The following MTHFD2L variants were observed in gnomAD, a reference collection of about 807,000 sequenced individuals.
The protein encoded by MTHFD2L is bifunctional methylenetetrahydrofolate dehydrogenase/cyclohydrolase 2, mitochondrial.
MTHFD2L carries 29 observed loss-of-function variants against 34.9 expected under a neutral mutation model. The ratio of observed to expected loss-of-function variants is 0.83; its 90% confidence interval spans 0.62 to 1.13. The LOEUF (loss-of-function observed/expected upper bound fraction) is 1.13. MTHFD2L is among the 50% of genes most tolerant of loss of function. The probability of loss-of-function intolerance (pLI) is 0.00; values close to 1 mark genes in which losing one functional copy is unlikely to be tolerated. For missense variants in MTHFD2L, 481 were observed against 446.5 expected (o/e 1.08, Z -0.70); for synonymous variants, 167 against 155.7 (o/e 1.07, Z -0.54).
At chr4:74,283,155 C>T (rs574044177) in intron 7 of MTHFD2L, among the ~76,000 whole-genome samples, 34 of 152,274 alleles carry the variant, frequency 2.2e-4, no homozygotes, top group African/African-American at 7.9e-4. Flanking sequence ...GTTTGCAGTT[C>T]ACAGCCTTGA....
chr4:74,269,543 C>A (rs1745703493), intron 6 of MTHFD2L, among the ~76,000 whole-genome samples: 2 of 151,400 alleles, frequency 1.3e-5, no homozygotes, highest in South Asian at 4.2e-4. Context: ...TAATGCATAA[C>A]AAATACATTA....
rs146950597 is a variant in MTHFD2L, at chr4:74,181,434, G to A, written c.451+6031G>A. On this transcript the variant is annotated intron_variant, in intron 3 of 7. Coordinates refer to ENST00000325278, the MANE Select transcript of MTHFD2L (RefSeq NM_001144978.3). ...ATGCTATTTCTATCTGAGGTTTGTG[G>A]TTAAGGAAAAAGAGTGAACTGAGTA... is the stretch of plus-strand genomic sequence containing the variant. Among the ~76,000 whole-genome samples, 878 of 152,216 alleles carry A rather than the reference G, an allele frequency of 5.8e-3. 15 individuals carry two copies. The highest frequency in any genetic ancestry group is 0.021 in the African/African-American group (852 of 41,524).
At chr4:74,284,854 G>A (rs994402720) in intron 7 of MTHFD2L, among the ~76,000 whole-genome samples, 1 of 151,992 alleles carries the variant, frequency 6.6e-6, no homozygotes, top group Admixed American at 6.6e-5. Context: ...ATACCCAAAG[G>A]ACTATAAATC....
At chr4:74,237,091 A>G (rs1740957738) in intron 6 of MTHFD2L, among the ~76,000 whole-genome samples, 1 of 152,160 alleles carries the variant, frequency 6.6e-6, no homozygotes, top group African/African-American at 2.4e-5. Flanking sequence ...GTCCTCTCTC[A>G]ATCATATTGT....
chr4:74,210,869 G>A (rs985879573), intron 5 of MTHFD2L, among the ~76,000 whole-genome samples: 7 of 152,142 alleles, frequency 4.6e-5, no homozygotes, highest in Non-Finnish European at 1.0e-4. Context: ...TCCTTGAGCA[G>A]TGGTTTGTAG....
At chr4:74,256,365 T>C (rs1198451386) in intron 6 of MTHFD2L, among the ~76,000 whole-genome samples, 1 of 152,088 alleles carries the variant, frequency 6.6e-6, no homozygotes, top group East Asian at 1.9e-4. Flanking sequence ...CCTGTCTCGG[T>C]ACCTCCCAAA....
At chr4:74,171,194 TATTTA>T (rs1347595133) in intron 1 of MTHFD2L, among the ~76,000 whole-genome samples, 1 of 152,134 alleles carries the variant, frequency 6.6e-6, no homozygotes, top group African/African-American at 2.4e-5. Flanking sequence ...AAGACTTAAT[TATTTA>T]ATTCACTAAA....
chr4:74,124,846 A>G (rs1469929143), upstream of MTHFD2L, among the ~76,000 whole-genome samples: 1 of 152,146 alleles, frequency 6.6e-6, no homozygotes, highest in African/African-American at 2.4e-5. Context: ...TATAAAAATT[A>G]AGAAATCATG....
intron 6 of MTHFD2L, among the ~76,000 whole-genome samples, chr4:74,269,426 A>T (rs1222748041): frequency 1.3e-5 from 2 of 152,090 alleles, no homozygotes; most frequent in Non-Finnish European, 2.9e-5. Flanking sequence ...AGTTTATTGA[A>T]AACTCAGATA....
At chr4:74,120,487 G>A (rs1721735247), upstream of MTHFD2L, among the ~76,000 whole-genome samples, 1 of 152,202 alleles carries the variant, frequency 6.6e-6, no homozygotes, top group Non-Finnish European at 1.5e-5. Flanking sequence ...GTCATTTTGT[G>A]TCAGTATATG....
upstream of MTHFD2L, among the ~76,000 whole-genome samples, chr4:74,120,051 T>A (rs1721726948): frequency 6.6e-6 from 1 of 152,202 alleles, no homozygotes; most frequent in South Asian, 2.1e-4. Context: ...CAAATGTGTC[T>A]GTACTGACAG....
At chr4:74,200,777 T>A (rs1330339680) in intron 4 of MTHFD2L, among the ~76,000 whole-genome samples, 1 of 152,220 alleles carries the variant, frequency 6.6e-6, no homozygotes, top group Non-Finnish European at 1.5e-5. Flanking sequence ...TAGAAGGTTC[T>A]ACAGGCTTTA....
chr4:74,290,630 T>G (rs931206612), intron 7 of MTHFD2L, among the ~76,000 whole-genome samples: 12 of 151,954 alleles, frequency 7.9e-5, no homozygotes, highest in Non-Finnish European at 5.9e-5. Flanking sequence ...GCATAATGCC[T>G]GGTGAAAGAC....
rs187376470 is a variant in MTHFD2L, at chr4:74,199,752, A to G, written c.452-42A>G. On this transcript the variant is annotated intron_variant, in intron 3 of 7. Coordinates refer to ENST00000325278, the MANE Select transcript of MTHFD2L (RefSeq NM_001144978.3). ...ATTTCATTTTTCAGGCTACCAAATA[A>G]ATAACAATTTTAAAATTAGACAAAT... The G allele has an allele frequency of 7.2e-4, 1,109 of 1,536,550 alleles. 4 individuals carry two copies. The highest frequency in any genetic ancestry group is 5.6e-4 in the Non-Finnish European group (640 of 1,135,610).
At chr4:74,167,848 T>C (rs1178059219) in intron 1 of MTHFD2L, among the ~76,000 whole-genome samples, 1 of 152,218 alleles carries the variant, frequency 6.6e-6, no homozygotes, top group Non-Finnish European at 1.5e-5. Context: ...GGGATTTTAG[T>C]TAACTTTTTC....
intron 7 of MTHFD2L, among the ~76,000 whole-genome samples, chr4:74,298,141 C>A (rs1749850039): frequency 6.6e-6 from 1 of 152,012 alleles, no homozygotes; most frequent in South Asian, 2.1e-4. Context: ...CAGGGTTTAT[C>A]TTCATATCCA....
intron 5 of MTHFD2L, among the ~76,000 whole-genome samples, chr4:74,208,143 G>A (rs577526662): frequency 1.6e-4 from 24 of 152,042 alleles, no homozygotes; most frequent in Non-Finnish European, 2.6e-4. Context: ...AAGATGTTGG[G>A]GATATTATGT....
intron 6 of MTHFD2L, chr4:74,266,774 C>G: frequency 1.2e-6 from 1 of 810,254 alleles, no homozygotes; most frequent in Non-Finnish European, 1.5e-6. Flanking sequence ...CTGAGTCAAT[C>G]AGCACTGAAT....
chr4:74,139,117 T>G (rs564318213), intron 1 of MTHFD2L, among the ~76,000 whole-genome samples: 14 of 152,314 alleles, frequency 9.2e-5, no homozygotes, highest in Admixed American at 2.6e-4. Flanking sequence ...ATAGACAGTC[T>G]TTGTAATTTA....
Sources: gnomAD v4.1 joint callset for allele counts (sites outside exome capture counted in the v4.1 genomes callset) on GRCh38, gnomAD v4.1.1 for gene constraint, MANE v1.5 for transcripts, NCBI Gene and HGNC (gene_info 2026-07-23, HGNC 2026-07-21) for gene names.